The following CTNNA2 variants were observed in gnomAD, a reference collection of about 807,000 sequenced individuals.
The protein encoded by CTNNA2 is catenin alpha-2.
CTNNA2 carries 42 observed loss-of-function variants against 101.0 expected under a neutral mutation model. The ratio of observed to expected loss-of-function variants is 0.42; its 90% CI spans 0.32 to 0.54. CTNNA2 has a LOEUF of 0.54. Among genes scored for constraint, CTNNA2 ranks in the 20% least tolerant of loss-of-function variants. CTNNA2 has a pLI of 0.14. For synonymous variants in CTNNA2, 450 were observed against 456.4 expected, an observed-to-expected ratio of 0.99 and a Z score of 0.18; for missense variants, 871 against 1,223.1, an observed-to-expected ratio of 0.71 and a Z score of 4.29.
chr2:80,638,010 C>A, intron 18 of CTNNA2, among the ~76,000 whole-genome samples: 1 of 152,102 alleles, frequency 6.6e-6, no homozygotes, highest in East Asian at 1.9e-4. Context: ...GACTTTGATC[C>A]ATTTTATGAA....
At chr2:80,622,972 A>C (rs1470542522) in intron 18 of CTNNA2, among the ~76,000 whole-genome samples, 1 of 150,186 alleles carries the variant, frequency 6.7e-6, no homozygotes, top group Non-Finnish European at 1.5e-5. Flanking sequence ...TCAAAGGCTA[A>C]ATTTTTCTGT....
At chr2:79,203,003 T>C (rs887655499) in intron 2 of CTNNA2, among the ~76,000 whole-genome samples, 4 of 151,936 alleles carry the variant, frequency 2.6e-5, no homozygotes, top group African/African-American at 9.7e-5. Flanking sequence ...CTTTCTTCCA[T>C]GTAGAATTTC....
At chr2:79,292,880 G>C (rs1366652052) in intron 2 of CTNNA2, 1 of 152,142 alleles carries the variant, frequency 6.6e-6, no homozygotes, top group Non-Finnish European at 1.5e-5. Flanking sequence ...TATCACACTG[G>C]GCTGAACACT....
chr2:80,497,220 C>T (rs1000718193), intron 9 of CTNNA2, among the ~76,000 whole-genome samples: 5 of 152,098 alleles, frequency 3.3e-5, no homozygotes, highest in African/African-American at 1.2e-4. Context: ...AATGCCAAAC[C>T]ACAGTGCCAT....
At chr2:80,589,887 TGTGTGTGTGTGTGTGTG>T (rs1192013724) in intron 15 of CTNNA2, among the ~76,000 whole-genome samples, 1 of 147,894 alleles carries the variant, frequency 6.8e-6, no homozygotes, top group Non-Finnish European at 1.5e-5. Flanking sequence ...TGTGTGTGTG[TGTGTGTGTGTGTGTGTG>T]TGCGCGCGCG....
intron 7 of CTNNA2, among the ~76,000 whole-genome samples, chr2:79,953,461 C>T (rs1310439011): frequency 6.6e-6 from 1 of 152,204 alleles, no homozygotes; most frequent in African/African-American, 2.4e-5. Context: ...CCTCTCCTTT[C>T]TGCATTACCT....
intron 9 of CTNNA2, among the ~76,000 whole-genome samples, chr2:80,458,259 A>G (rs1684149193): frequency 6.6e-6 from 1 of 152,136 alleles, no homozygotes; most frequent in Admixed American, 6.5e-5. Context: ...AAAAACTTGG[A>G]TGTTTCAATT....
chr2:79,287,023 T>C (rs1050036851), intron 2 of CTNNA2, among the ~76,000 whole-genome samples: 3 of 152,224 alleles, frequency 2.0e-5, no homozygotes, highest in Non-Finnish European at 4.4e-5. Flanking sequence ...CCATCGCTGA[T>C]ACCCTTTCTT....
intron 3 of CTNNA2, among the ~76,000 whole-genome samples, chr2:79,809,866 A>G (rs1387688401): frequency 2.0e-5 from 3 of 152,202 alleles, no homozygotes; most frequent in Non-Finnish European, 2.9e-5. Flanking sequence ...GCCCATGCCT[A>G]CGTCCTGAAT....
In CTNNA2 at chr2:79,467,632, G is replaced by A. The variant is rs545378597; in HGVS notation, c.-134-37422G>A. On this transcript the variant is annotated intron_variant, in intron 4 of 21. Transcript: ENST00000466387. ...ATGTTAAGGGCAGCCAGAGAGAAAG[G>A]TTGGGTTACCCACAAAGGGAAGCCT... 1.6e-4 allele frequency among the ~76,000 whole-genome samples: 24 copies of A among 152,304 alleles called. No individual in the cohort carries two copies. In the East Asian group the frequency reaches 4.3e-3, roughly 27 times the overall value.
chr2:79,768,440 T>C, intron 3 of CTNNA2, among the ~76,000 whole-genome samples: 1 of 151,710 alleles, frequency 6.6e-6, no homozygotes, highest in East Asian at 2.0e-4. Context: ...AGATGTTTTC[T>C]CTATATAGAT....
At chr2:80,003,317 G>GT (rs1693093553) in intron 7 of CTNNA2, among the ~76,000 whole-genome samples, 1 of 152,104 alleles carries the variant, frequency 6.6e-6, no homozygotes, top group African/African-American at 2.4e-5. Flanking sequence ...CATTGATTCT[G>GT]TTTTTTATAT....
chr2:79,583,190 A>C (rs955349914), intron 1 of CTNNA2, among the ~76,000 whole-genome samples: 36 of 151,438 alleles, frequency 2.4e-4, no homozygotes, highest in Non-Finnish European at 8.8e-5. Flanking sequence ...GATTATAAAT[A>C]AATCTGATAT....
chr2:80,485,957 T>A (rs1686547172), intron 9 of CTNNA2, among the ~76,000 whole-genome samples: 1 of 150,926 alleles, frequency 6.6e-6, no homozygotes, highest in Non-Finnish European at 1.5e-5. Flanking sequence ...TTCACCATAT[T>A]TTTTTTTTGC....
chr2:80,622,740 T>C (rs1671261017), intron 18 of CTNNA2, among the ~76,000 whole-genome samples: 1 of 151,852 alleles, frequency 6.6e-6, no homozygotes, highest in African/African-American at 2.4e-5. Context: ...ACTGTTTTTG[T>C]ATTTCTTGCC....
chr2:80,428,197 G>T (rs1034580885), intron 9 of CTNNA2, among the ~76,000 whole-genome samples: 1 of 152,094 alleles, frequency 6.6e-6, no homozygotes, highest in Non-Finnish European at 1.5e-5. Flanking sequence ...GAGAATGAGA[G>T]GAAAAATTAC....
At chr2:79,205,952 T>C (rs566060271) in intron 2 of CTNNA2, among the ~76,000 whole-genome samples, 1 of 152,314 alleles carries the variant, frequency 6.6e-6, no homozygotes, top group South Asian at 2.1e-4. Flanking sequence ...TTCTTGCTTT[T>C]TTCCCATTAG....
intron 3 of CTNNA2, among the ~76,000 whole-genome samples, chr2:79,334,795 T>C (rs1220140137): frequency 6.6e-6 from 1 of 152,154 alleles, no homozygotes; most frequent in Non-Finnish European, 1.5e-5. Flanking sequence ...CTTCAAGTTT[T>C]GGAGGTCATT....
chr2:79,966,411 T>C (rs1690064482), intron 7 of CTNNA2, among the ~76,000 whole-genome samples: 1 of 152,154 alleles, frequency 6.6e-6, no homozygotes, highest in Admixed American at 6.5e-5. Context: ...ATTATTTTTA[T>C]TTTTTGTAGA....
Sources: gnomAD v4.1 joint callset for allele counts (sites outside exome capture counted in the v4.1 genomes callset) on GRCh38, gnomAD v4.1.1 for gene constraint, MANE v1.5 for transcripts, NCBI Gene and HGNC (gene_info 2026-07-23, HGNC 2026-07-21) for gene names.